Variants in EPHB3 observed in about 807,000 individuals in gnomAD.
EPHB3 encodes the protein ephrin type-B receptor 3.
In EPHB3, 33 loss-of-function variants were observed where a neutral mutation model predicts 100.2. That is an observed-to-expected ratio of 0.33 (90% CI 0.25 to 0.44). The LOEUF (loss-of-function observed/expected upper bound fraction) is 0.44. Among genes scored for constraint, EPHB3 ranks in the 20% least tolerant of loss-of-function variants. EPHB3 has a pLI of 1.00. For missense variants in EPHB3, 1,045 were observed against 1,378.3 expected (o/e 0.76, Z 3.83); for synonymous variants, 526 against 554.7 (o/e 0.95, Z 0.73).
rs750408976 is a variant in EPHB3, at chr3:184,579,474, C to T, written c.1802-3C>T. 1 of 1,613,062 alleles carries T rather than the reference C, an allele frequency of 6.2e-7. No homozygotes were observed. The highest frequency in any genetic ancestry group is 8.5e-7 in the Non-Finnish European group (1 of 1,179,152). ...CTCTCACGCCCACCTCTTCTCCCTC[C>T]AGTTGCTCCTGGAATGAAGGTTTAT... On this transcript the variant is annotated splice_region_variant and splice_polypyrimidine_tract_variant and intron_variant, in intron 9 of 15. Transcript: ENST00000330394. This position sits in a 1 kb window ranked among gnomAD's most constrained non-coding sequence, Gnocchi z 5.2.
rs374081923 is a variant in EPHB3 at position 184,579,913 on chromosome 3, C to T, written c.2151C>T (p.Cys717=). 85 of 1,613,544 alleles carry T rather than the reference C, an allele frequency of 5.3e-5. No homozygotes were observed. In the East Asian group the frequency reaches 9.1e-4, roughly 17 times the overall value. ...TCCTCACTGAGTTCATGGAAAACTG[C>T]GCCCTGGACTCCTTCCTCCGGGTAA... The part of the protein sequence containing the change: ...VMILTEFMEN[C]ALDSFLRLND... Residue 717 remains cysteine, a synonymous_variant, in exon 11 of 16, where the codon TGC becomes TGT. Transcript: ENST00000330394. The surrounding 1 kb of genome is among the most constrained non-coding windows in gnomAD (Gnocchi z 5.2).
At chr3:184,575,187 G>C (rs1714640979) in intron 3 of EPHB3, 2 of 985,272 alleles carry the variant, frequency 2.0e-6, no homozygotes, top group South Asian at 9.4e-5. Flanking sequence ...TCAGGCCCTG[G>C]GCTTGCTCTG....
chr3:184,578,447 G>A lies in EPHB3; in HGVS notation c.1782G>A (p.Thr594=), dbSNP rs374692985. ...KQRHGSDSEY[T]EKLQQYIAPG... ...GACACGGCTCTGATTCGGAGTACAC[G>A]GAGAAGCTGCAGCAGTACAGTGAGT... Residue 594 remains threonine (T), a synonymous_variant, in exon 9 of 16, where the codon ACG becomes ACA. Coordinates refer to ENST00000330394, the MANE Select transcript of EPHB3 (RefSeq NM_004443.4). The surrounding 1 kb of genome is among the most constrained non-coding windows in gnomAD (Gnocchi z 4.7). 7.2e-5 allele frequency: 116 copies of A among 1,613,786 alleles called. No individual in the cohort carries two copies. Among genetic ancestry groups the A allele is most frequent in the East Asian group, 6.5e-4 (29 of 44,876 alleles).
chr3:184,581,603 C>T lies in EPHB3; in HGVS notation c.2978C>T (p.Thr993Met), dbSNP rs200546160. Residue 993 changes from threonine to methionine, a missense_variant, in exon 16 of 16, where the codon ACG (threonine) becomes ATG (methionine). Physicochemically the swap from Thr to Met is moderately conservative, Grantham distance 81 (BLOSUM62 -1). Around this residue, in one of 2 missense-constraint regions of EPHB3, gnomAD observed 985 missense variants for 1,331.1 expected, o/e 0.74. Transcript: ENST00000330394. ...IQDMRLQMNQ[T>M]LPVQV ...GACATGCGGCTGCAGATGAACCAGA[C>T]GCTGCCTGTGCAGGTCTGACACCGG... 16 of 1,612,502 alleles carry T rather than the reference C, an allele frequency of 9.9e-6. No individual in the cohort carries two copies. The highest frequency in any genetic ancestry group is 1.7e-4 in the Middle Eastern group (1 of 6,058).
Position 184,580,506 on chromosome 3 carries a change from G to C in EPHB3, c.2277G>C (p.Leu759=). The change falls in exon 12 of 16, where the codon CTG becomes CTC. Residue 759 remains leucine, a synonymous_variant. Transcript: ENST00000330394. ...LSEMNYVHRD[L]AARNILVNSN... is the part of the protein sequence containing the mutation. ...AGATGAACTATGTGCACCGCGACCT[G>C]GCTGCTCGCAACATCCTTGTCAACA... The C allele has an allele frequency of 6.2e-7, 1 of 1,614,198 alleles. No individual in the cohort carries two copies. Among genetic ancestry groups the C allele is most frequent in the Non-Finnish European group, 8.5e-7 (1 of 1,180,030 alleles).
In EPHB3 at chr3:184,577,953, A is replaced by G. The variant is rs779696321; in HGVS notation, c.1695A>G (p.Thr565=). 44 of 1,613,860 alleles carry G rather than the reference A, an allele frequency of 2.7e-5. No individual in the cohort carries two copies. In the Admixed American group the frequency reaches 7.3e-4, roughly 27 times the overall value. ...TTCCCCTCATCGTGGGCTCCGCTAC[A>G]GCTGGGCTTGTCTTCGTGGTGGCTG... ...EQLPLIVGSA[T]AGLVFVVAVV... is the part of the protein sequence containing the mutation. The change falls in exon 8 of 16, where the codon ACA becomes ACG. Residue 565 remains threonine, a synonymous_variant. Coordinates refer to ENST00000330394, the MANE Select transcript of EPHB3 (RefSeq NM_004443.4). This position sits in a 1 kb window ranked among gnomAD's most constrained non-coding sequence, Gnocchi z 4.9.
In EPHB3 at chr3:184,578,484, G is replaced by T. The variant is rs755696277; in HGVS notation, c.1801+18G>T. ...GCAGTACAGTGAGTTTGTCCCCGCC[G>T]CCCTCCCCAAGCTCTCCCAGCCCCC... On this transcript the variant is annotated intron_variant, in intron 9 of 15. Transcript: ENST00000330394. The surrounding 1 kb of genome is among the most constrained non-coding windows in gnomAD (Gnocchi z 4.7). 6.2e-7 allele frequency: 1 copy of T among 1,612,962 alleles called. No individual in the cohort carries two copies. Among genetic ancestry groups the T allele is most frequent in the Non-Finnish European group, 8.5e-7 (1 of 1,179,650 alleles).
At chr3:184,575,678 T>C in intron 3 of EPHB3, 152 bp from the exon 4 acceptor site, 1 of 1,000,398 alleles carries the variant, frequency 1.0e-6, no homozygotes, top group South Asian at 2.1e-5. Context: ...TAGCTGCAGC[T>C]GGAGTTAGGC....
In EPHB3 at chr3:184,577,220, C is replaced by A. The variant is rs7644069; in HGVS notation, c.1354+37C>A. On this transcript the variant is annotated intron_variant, in intron 5 of 15. Transcript: ENST00000330394. This position sits in a 1 kb window ranked among gnomAD's most constrained non-coding sequence, Gnocchi z 4.9. The stretch of plus-strand genomic sequence containing the variant: ...ACACTGGAGGGTAGGGCCTGGGTCA[C>A]TTTCTCCTGGATGAGGTGTCCCAGG... The A allele has an allele frequency of 0.32, 499,663 of 1,568,990 alleles. 82,804 individuals carry two copies. The highest frequency in any genetic ancestry group is 0.51 in the African/African-American group (37,455 of 73,962).
chr3:184,566,032 G>A (rs533899805), intron 1 of EPHB3, among the ~76,000 whole-genome samples: 1 of 152,214 alleles, frequency 6.6e-6, no homozygotes, highest in Non-Finnish European at 1.5e-5. Flanking sequence ...CAGCTGGGGG[G>A]GGTGAAGGGT....
In EPHB3 at chr3:184,576,858, C is replaced by G; in HGVS notation, c.1029C>G (p.Pro343=). 6.5e-7 allele frequency: 1 copy of G among 1,548,770 alleles called. No homozygotes were observed. Among genetic ancestry groups the G allele is most frequent in the Non-Finnish European group, 8.7e-7 (1 of 1,143,228 alleles). The change falls in exon 5 of 16, where the codon CCC becomes CCG. Residue 343 remains proline (P), a synonymous_variant. Transcript: ENST00000330394. The part of the protein sequence containing the change: ...DSACTTVPSP[P]RGVISNVNET... ...TCCTCACAGCCGTGCCATCTCCACC[C>G]CGAGGTGTGATCTCCAATGTGAATG... is the stretch of plus-strand genomic sequence containing the variant.
rs1181781660 is a variant in EPHB3 at position 184,569,103 on chromosome 3, G to A, written c.119-2215G>A. Reference sequence around the variant, plus strand: ...GGTTTAAACAGTTCCAGATGGGTTTGGCACAGGCTGAGCAGAAGGAAGTGA... The same window carrying A: ...GGTTTAAACAGTTCCAGATGGGTTTAGCACAGGCTGAGCAGAAGGAAGTGA... On this transcript the variant is annotated intron_variant, in intron 1 of 15. Coordinates refer to ENST00000330394, the MANE Select transcript of EPHB3 (RefSeq NM_004443.4). This position sits in a 1 kb window ranked among gnomAD's most constrained non-coding sequence, Gnocchi z 5.4. Among the ~76,000 whole-genome samples the A allele has an allele frequency of 6.6e-6, 1 of 152,190 alleles. No homozygotes were observed. The highest frequency in any genetic ancestry group is 1.5e-5 in the Non-Finnish European group (1 of 68,034).
intron 3 of EPHB3, among the ~76,000 whole-genome samples, chr3:184,574,866 A>T (rs1388710970): frequency 6.6e-6 from 1 of 152,184 alleles, no homozygotes; most frequent in South Asian, 2.1e-4. Flanking sequence ...GGCTCAAAAG[A>T]GCTAGGGTGG....
At chr3:184,581,441 A>G in intron 15 of EPHB3, 33 bp downstream of exon 15, 1 of 1,585,910 alleles carries the variant, frequency 6.3e-7, no homozygotes, top group Non-Finnish European at 8.6e-7. Flanking sequence ...GGAGCAGGGC[A>G]GGGGGCCCTA....
At position 184,562,312 on chromosome 3, in the gene EPHB3, TGCC is replaced by T; in HGVS notation, c.80_82del (p.Pro27del). On this transcript the variant is annotated inframe_deletion, in exon 1 of 16. Transcript: ENST00000330394. The surrounding 1 kb of genome is among the most constrained non-coding windows in gnomAD (Gnocchi z 4.8). ...CCGCTGCTCCCTCCGCTGCTGCTGC[TGCC>T]GCTGCTGCTGCTGCCCGCCGGCTGC... 2 of 1,250,242 alleles carry T rather than the reference TGCC, an allele frequency of 1.6e-6. No homozygotes were observed. The highest frequency in any genetic ancestry group is 2.0e-6 in the Non-Finnish European group (2 of 998,136). 77.4% of individuals were successfully genotyped at this position (1,250,242 alleles called of 1,614,324 possible). A position where few individuals can be genotyped will look rare whatever the true frequency, so the allele number is the denominator to read the frequency against.
At chr3:184,581,475 C>T (rs774551154) in intron 15 of EPHB3, 39 bp from the exon 16 acceptor site, 14 of 1,598,454 alleles carry the variant, frequency 8.8e-6, no homozygotes, top group South Asian at 4.5e-5. Context: ...GTTGAGGGCA[C>T]GAGGAAAGGG....
At position 184,579,381 on chromosome 3, in the gene EPHB3, G is replaced by A. The variant is rs539594020; in HGVS notation, c.1802-96G>A. Reference sequence around the variant, plus strand: ...TAGGGCAGCAACACAGAGGAATATGGGGCTGGGCTCAGCAGGGAGCCTGCT... The same window carrying A: ...TAGGGCAGCAACACAGAGGAATATGAGGCTGGGCTCAGCAGGGAGCCTGCT... On this transcript the variant is annotated intron_variant, in intron 9 of 15. Transcript: ENST00000330394. This position sits in a 1 kb window ranked among gnomAD's most constrained non-coding sequence, Gnocchi z 5.2. 6.5e-7 allele frequency: 1 copy of A among 1,549,754 alleles called. No individual in the cohort carries two copies. The highest frequency in any genetic ancestry group is 1.4e-5 in the African/African-American group (1 of 73,834).
In EPHB3 at chr3:184,571,010, C is replaced by T. The variant is rs1216899780; in HGVS notation, c.119-308C>T. On this transcript the variant is annotated intron_variant, in intron 1 of 15. Coordinates refer to ENST00000330394, the MANE Select transcript of EPHB3 (RefSeq NM_004443.4). This position sits in a 1 kb window ranked among gnomAD's most constrained non-coding sequence, Gnocchi z 5.0. Reference sequence around the variant, plus strand: ...TCTCTCTGTTGCCCAGGGTGGAGTGCAGTAGTGCAATCTCGGCTCACTGCA... The same window carrying T: ...TCTCTCTGTTGCCCAGGGTGGAGTGTAGTAGTGCAATCTCGGCTCACTGCA... 6.7e-6 allele frequency among the ~76,000 whole-genome samples: 1 copy of T among 149,696 alleles called. No individual in the cohort carries two copies. Among genetic ancestry groups the T allele is most frequent in the Non-Finnish European group, 1.5e-5 (1 of 67,702 alleles).
chr3:184,575,092 C>T (rs1193940895), intron 3 of EPHB3: 3 of 960,880 alleles, frequency 3.1e-6, no homozygotes, highest in East Asian at 1.2e-4. Flanking sequence ...GAAGAATACA[C>T]GATAAGGCTA....
Sources: allele counts gnomAD v4.1 joint callset (sites outside exome capture counted in the v4.1 genomes callset), GRCh38; gene constraint gnomAD v4.1.1; regional missense constraint gnomAD v4.1.1; non-coding constraint Gnocchi (gnomAD v3.1); transcripts MANE v1.5; gene names NCBI Gene and HGNC (gene_info 2026-07-23, HGNC 2026-07-21).